The following PARD3B variants were observed in gnomAD, a reference collection of about 807,000 sequenced individuals.
PARD3B encodes par-3 family cell polarity regulator beta.
A neutral mutation model predicts 130.2 loss-of-function variants in PARD3B; 103 were observed. The ratio of observed to expected loss-of-function variants is 0.79; its 90% CI spans 0.67 to 0.93. The LOEUF (loss-of-function observed/expected upper bound fraction) is 0.93, where lower values mean the gene tolerates loss of function less well. Among genes scored for constraint, PARD3B ranks in the 40% least tolerant of loss-of-function variants. PARD3B has a pLI of 0.00. For synonymous variants in PARD3B, 583 were observed against 553.2 expected, an observed-to-expected ratio of 1.05 and a Z score of -0.76; for missense variants, 1,609 against 1,499.2, an observed-to-expected ratio of 1.07 and a Z score of -1.21.
chr2:205,238,230 T>C (rs536744272), intron 15 of PARD3B, among the ~76,000 whole-genome samples: 10 of 152,288 alleles, frequency 6.6e-5, no homozygotes, highest in African/African-American at 2.4e-4. Context: ...GCACAAATAA[T>C]TGAGATATTT....
intron 1 of PARD3B, among the ~76,000 whole-genome samples, chr2:204,659,518 T>C (rs2035734202): frequency 6.6e-6 from 1 of 152,120 alleles, no homozygotes; most frequent in African/African-American, 2.4e-5. Context: ...GTGTGAGTTG[T>C]GTATATAGCA....
chr2:204,904,624 A>G (rs141623954), intron 2 of PARD3B, among the ~76,000 whole-genome samples: 49 of 152,300 alleles, frequency 3.2e-4, no homozygotes, highest in Non-Finnish European at 3.8e-4. Context: ...CCAATATCAG[A>G]TTATACTTAT....
chr2:205,272,591 AG>A (rs1394729556), intron 16 of PARD3B, among the ~76,000 whole-genome samples: 1 of 152,182 alleles, frequency 6.6e-6, no homozygotes, highest in East Asian at 1.9e-4. Flanking sequence ...CAGGCAGGCT[AG>A]GGTTGGTACA....
At position 205,550,949 on chromosome 2, in the gene PARD3B, A is replaced by ATGTG. The variant is rs1233386117; in HGVS notation, c.3181-2374_3181-2373insGTGT. The stretch of plus-strand genomic sequence containing the variant: ...TGTGTGTGTGTGTGTGTGTATATAT[A>ATGTG]TATGTGTATATATATATATATATAT... On this transcript the variant is annotated intron_variant, in intron 21 of 22. Transcript: ENST00000406610. The surrounding 1 kb of genome is among the most constrained non-coding windows in gnomAD (Gnocchi z 4.5). Among the ~76,000 whole-genome samples the ATGTG allele has an allele frequency of 6.7e-5, 5 of 74,698 alleles. No individual in the cohort carries two copies. The highest frequency in any genetic ancestry group is 2.1e-4 in the African/African-American group (5 of 24,036). 49.0% of individuals were successfully genotyped at this position (74,698 alleles called of 152,430 possible). A position where few individuals can be genotyped will look rare whatever the true frequency, so the allele number is the denominator to read the frequency against.
At chr2:205,355,200 GT>G (rs1382247338) in intron 18 of PARD3B, among the ~76,000 whole-genome samples, 1 of 152,122 alleles carries the variant, frequency 6.6e-6, no homozygotes, top group Non-Finnish European at 1.5e-5. Context: ...CAGTCCCAAT[GT>G]TTTCATTTTT....
chr2:204,702,801 C>T (rs2125279963), intron 2 of PARD3B, among the ~76,000 whole-genome samples: 1 of 152,272 alleles, frequency 6.6e-6, no homozygotes, highest in East Asian at 1.9e-4. Context: ...GTTTCAAACT[C>T]ATGACCTCAG....
chr2:205,605,273 G>A (rs968322729), intron 22 of PARD3B, among the ~76,000 whole-genome samples: 1 of 152,146 alleles, frequency 6.6e-6, no homozygotes, highest in African/African-American at 2.4e-5. Flanking sequence ...ACAATCGTTT[G>A]GAGGAAAAGA....
chr2:204,560,517 G>C (rs1482196750), intron 1 of PARD3B, among the ~76,000 whole-genome samples: 1 of 151,326 alleles, frequency 6.6e-6, no homozygotes, highest in African/African-American at 2.4e-5. Context: ...GTGGCCAGGG[G>C]TTTGAAGGAT....
chr2:204,987,247 A>G (rs897806459), intron 3 of PARD3B, among the ~76,000 whole-genome samples: 2 of 152,234 alleles, frequency 1.3e-5, no homozygotes, highest in African/African-American at 4.8e-5. Flanking sequence ...TTGCAAATAA[A>G]TGTGTTTTTA....
rs530692517 is a variant in PARD3B at position 204,549,929 on chromosome 2, A to T, written c.120+3810A>T. On this transcript the variant is annotated intron_variant, in intron 1 of 22. Coordinates refer to ENST00000406610, the MANE Select transcript of PARD3B (RefSeq NM_001302769.2). ...GACATTTCTGGCCTTTTCTCATTAAAAAAAAACAAACAAATAAAAGCATGG... is the reference window on the plus strand; with the variant it reads ...GACATTTCTGGCCTTTTCTCATTAATAAAAAACAAACAAATAAAAGCATGG... 7.9e-5 allele frequency among the ~76,000 whole-genome samples: 12 copies of T among 152,168 alleles called. No individual in the cohort carries two copies. The South Asian group carries it at 2.5e-3, about 32-fold the overall frequency.
intron 15 of PARD3B, among the ~76,000 whole-genome samples, chr2:205,245,291 G>A (rs1050966647): frequency 6.6e-6 from 1 of 152,068 alleles, no homozygotes. Flanking sequence ...ATTGTTTCTT[G>A]TTTTGTCTAG....
At chr2:204,668,101 T>C (rs1334404960) in intron 1 of PARD3B, among the ~76,000 whole-genome samples, 1 of 152,094 alleles carries the variant, frequency 6.6e-6, no homozygotes, top group Non-Finnish European at 1.5e-5. Flanking sequence ...TGTGGAGGCA[T>C]TCTAATCATT....
At chr2:204,954,705 G>A (rs985826761) in intron 2 of PARD3B, among the ~76,000 whole-genome samples, 2 of 152,142 alleles carry the variant, frequency 1.3e-5, no homozygotes, top group Non-Finnish European at 2.9e-5. Flanking sequence ...CAGGAGACAG[G>A]TATGCCCATT....
intron 1 of PARD3B, among the ~76,000 whole-genome samples, chr2:204,676,046 C>T (rs1398427336): frequency 6.7e-6 from 1 of 149,942 alleles, no homozygotes; most frequent in Non-Finnish European, 1.5e-5. Context: ...GTCTCTGAGC[C>T]AATGAATTCC....
chr2:204,663,685 G>T (rs1439572311), intron 1 of PARD3B, among the ~76,000 whole-genome samples: 1 of 152,158 alleles, frequency 6.6e-6, no homozygotes, highest in African/African-American at 2.4e-5. Context: ...TTTCTTGTCT[G>T]TAGGAGAGTG....
chr2:205,417,131 C>T (rs2046807595), intron 19 of PARD3B, among the ~76,000 whole-genome samples: 1 of 139,826 alleles, frequency 7.2e-6, no homozygotes, highest in Non-Finnish European at 1.5e-5. Flanking sequence ...ACCCTGTGTC[C>T]ATGTGTTCTT....
intron 2 of PARD3B, among the ~76,000 whole-genome samples, chr2:204,735,171 G>A (rs1281554701): frequency 6.6e-6 from 1 of 151,840 alleles, no homozygotes; most frequent in Non-Finnish European, 1.5e-5. Context: ...ACAAATTACT[G>A]ACTACCTTAA....
At position 205,113,549 on chromosome 2, in the gene PARD3B, G is replaced by T; in HGVS notation, c.652G>T (p.Val218Leu). ...GEGGPLGIHV[V>L]PFFSSLSGRI... is the part of the protein sequence containing the mutation. The stretch of plus-strand genomic sequence containing the variant: ...AGGAGGCCCATTGGGAATACATGTA[G>T]TGCCCTTCTTTTCATCTCTGAGTGG... Residue 218 changes from valine to leucine, a missense_variant, in exon 6 of 23, where the codon GTG becomes TTG. Physicochemically the swap from Val to Leu is conservative, Grantham distance 32. Coordinates refer to ENST00000406610, the MANE Select transcript of PARD3B (RefSeq NM_001302769.2). The T allele has an allele frequency of 1.9e-6, 3 of 1,612,922 alleles. No homozygotes were observed. The highest frequency in any genetic ancestry group is 2.5e-6 in the Non-Finnish European group (3 of 1,179,278).
At chr2:205,389,374 C>A (rs1471552174) in intron 18 of PARD3B, among the ~76,000 whole-genome samples, 1 of 151,960 alleles carries the variant, frequency 6.6e-6, no homozygotes, top group African/African-American at 2.4e-5. Flanking sequence ...ATTATTATTA[C>A]TTTTTGAGAC....
Sources: gnomAD v4.1 joint callset for allele counts (sites outside exome capture counted in the v4.1 genomes callset) on GRCh38, gnomAD v4.1.1 for gene constraint, Gnocchi (gnomAD v3.1) non-coding constraint, MANE v1.5 for transcripts, NCBI Gene and HGNC (gene_info 2026-07-23, HGNC 2026-07-21) for gene names.